Variants in PIEZO2 observed in about 807,000 individuals in gnomAD.
PIEZO2 encodes the protein piezo type mechanosensitive ion channel component 2, also known as piezo-type mechanosensitive ion channel component 2.
A neutral mutation model predicts 337.3 loss-of-function variants in PIEZO2; 172 were observed. The ratio of observed to expected loss-of-function variants is 0.51; its 90% CI spans 0.45 to 0.58. The LOEUF is 0.58. PIEZO2 is among the 20% of genes least tolerant of loss of function. PIEZO2 has a pLI of 0.00. For missense variants in PIEZO2, 3,028 were observed against 3,391.3 expected (o/e 0.89, Z 2.66); for synonymous variants, 1,251 against 1,228.5 (o/e 1.02, Z -0.38).
Position 10,726,604 on chromosome 18 carries a change from G to A in PIEZO2, c.5029+4803C>T. 1 of 1,341,562 alleles carries A rather than the reference G, an allele frequency of 7.5e-7. No individual in the cohort carries two copies. Among genetic ancestry groups the A allele is most frequent in the Non-Finnish European group, 9.8e-7 (1 of 1,018,748 alleles). 83.1% of individuals were successfully genotyped at this position (1,341,562 alleles called of 1,614,324 possible). A position where few individuals can be genotyped will look rare whatever the true frequency, so the allele number is the denominator to read the frequency against. On this transcript the variant is annotated intron_variant, in intron 36 of 55. Coordinates refer to ENST00000674853, the MANE Select transcript of PIEZO2 (RefSeq NM_001378183.1). The surrounding 1 kb of genome is among the most constrained non-coding windows in gnomAD (Gnocchi z 5.9). ...GCTCTTCCAGGACCTGGCGCGCTAC[G>A]TGCGGGACGCCGACGTGCGCTGGGA...
chr18:10,731,478 C>G lies in PIEZO2; in HGVS notation c.4958G>C (p.Arg1653Pro). The change falls in exon 36 of 56, where the codon CGA becomes CCA. Residue 1653 changes from arginine (R) to proline (P), a missense_variant. Around this residue, in one of 5 missense-constraint regions of PIEZO2, gnomAD observed 1,925 missense variants for 2,051.9 expected, o/e 0.94. Coordinates refer to ENST00000674853, the MANE Select transcript of PIEZO2 (RefSeq NM_001378183.1). Reference protein sequence around the residue: ...AWITDPKTALRQRHKEKKRSA... With the variant: ...AWITDPKTALPQRHKEKKRSA... ...CCTTTTTTTCTCTTTGTGTCTTTGTCGGAGTGCTGTTTTAGGATCAGTAAT... is the reference window on the plus strand; with the variant it reads ...CCTTTTTTTCTCTTTGTGTCTTTGTGGGAGTGCTGTTTTAGGATCAGTAAT... 1 of 1,534,326 alleles carries G rather than the reference C, an allele frequency of 6.5e-7. No individual in the cohort carries two copies. The highest frequency in any genetic ancestry group is 8.7e-7 in the Non-Finnish European group (1 of 1,145,572).
chr18:10,688,515 C>T (rs1349537646), intron 49 of PIEZO2, among the ~76,000 whole-genome samples: 1 of 152,074 alleles, frequency 6.6e-6, no homozygotes, highest in Non-Finnish European at 1.5e-5. Flanking sequence ...CATAAGTCCC[C>T]TGTGTGTGAT....
intron 1 of PIEZO2, among the ~76,000 whole-genome samples, chr18:11,085,611 C>T (rs1316542593): frequency 6.6e-6 from 1 of 152,058 alleles, no homozygotes; most frequent in African/African-American, 2.4e-5. Context: ...TGGCAATAAA[C>T]TAAAAGCCAG....
chr18:10,969,613 A>T lies in PIEZO2; in HGVS notation c.286+9922T>A, dbSNP rs1304846464. Among the ~76,000 whole-genome samples the T allele has an allele frequency of 6.6e-6, 1 of 152,156 alleles. No individual in the cohort carries two copies. Among genetic ancestry groups the T allele is most frequent in the Non-Finnish European group, 1.5e-5 (1 of 68,026 alleles). On this transcript the variant is annotated intron_variant, in intron 3 of 55. Transcript: ENST00000674853. The surrounding 1 kb of genome is among the most constrained non-coding windows in gnomAD (Gnocchi z 4.5). ...TTTTTTTGCGAAGGAAATAAATACC[A>T]AGTAACTTAATTGATAAATAGTTTC...
chr18:10,980,873 T>C lies in PIEZO2; in HGVS notation c.161-1213A>G, dbSNP rs566990324. ...TGTGAGTTTACAGATGTCATGAAAGTCCATAATCAAAGTGGTTAACTAAGG... is the reference window on the plus strand; with the variant it reads ...TGTGAGTTTACAGATGTCATGAAAGCCCATAATCAAAGTGGTTAACTAAGG... On this transcript the variant is annotated intron_variant, in intron 2 of 55. Transcript: ENST00000674853. This position sits in a 1 kb window ranked among gnomAD's most constrained non-coding sequence, Gnocchi z 4.8. Among the ~76,000 whole-genome samples, 1 of 152,262 alleles carries C rather than the reference T, an allele frequency of 6.6e-6. No individual in the cohort carries two copies. The highest frequency in any genetic ancestry group is 1.5e-5 in the Non-Finnish European group (1 of 68,008).
chr18:10,853,797 A>G lies in PIEZO2; in HGVS notation c.917+1556T>C. 6.6e-6 allele frequency among the ~76,000 whole-genome samples: 1 copy of G among 152,208 alleles called. No individual in the cohort carries two copies. The highest frequency in any genetic ancestry group is 1.9e-4 in the East Asian group (1 of 5,198). ...AGACATCAAGGCACAGCTTATCTAA[A>G]TAACTCACCATGTATCTCCTAAAAT... On this transcript the variant is annotated intron_variant, in intron 7 of 55. Coordinates refer to ENST00000674853, the MANE Select transcript of PIEZO2 (RefSeq NM_001378183.1). This position sits in a 1 kb window ranked among gnomAD's most constrained non-coding sequence, Gnocchi z 4.2.
In PIEZO2 at chr18:10,943,426, C is replaced by T. The variant is rs1379726579; in HGVS notation, c.287-32198G>A. Among the ~76,000 whole-genome samples, 6 of 152,208 alleles carry T rather than the reference C, an allele frequency of 3.9e-5. No individual in the cohort carries two copies. Among genetic ancestry groups the T allele is most frequent in the African/African-American group, 1.4e-4 (6 of 41,458 alleles). Reference sequence around the variant, plus strand: ...GACCTGGATGTGAGACATCGAGTCACAGGAGACCATTTCGGAGCTTTAAGA... The same window carrying T: ...GACCTGGATGTGAGACATCGAGTCATAGGAGACCATTTCGGAGCTTTAAGA... On this transcript the variant is annotated intron_variant, in intron 3 of 55. Coordinates refer to ENST00000674853, the MANE Select transcript of PIEZO2 (RefSeq NM_001378183.1). The surrounding 1 kb of genome is among the most constrained non-coding windows in gnomAD (Gnocchi z 4.5).
At chr18:11,058,944 C>A (rs1384519985) in intron 2 of PIEZO2, among the ~76,000 whole-genome samples, 2 of 152,112 alleles carry the variant, frequency 1.3e-5, no homozygotes, top group Non-Finnish European at 2.9e-5. Context: ...AACTCCAAGA[C>A]ACATCATTGT....
At chr18:10,879,650 C>T (rs1018899570) in intron 4 of PIEZO2, among the ~76,000 whole-genome samples, 1 of 152,150 alleles carries the variant, frequency 6.6e-6, no homozygotes, top group Non-Finnish European at 1.5e-5. Context: ...CCGCCTCGGC[C>T]TCCCAAAGTG....
intron 2 of PIEZO2, among the ~76,000 whole-genome samples, chr18:11,051,183 C>T (rs1240075216): frequency 6.6e-6 from 1 of 152,192 alleles, no homozygotes; most frequent in Non-Finnish European, 1.5e-5. Flanking sequence ...CCTTCCCTTT[C>T]ATCTGCCACT....
chr18:10,876,076 A>G (rs1379122047), intron 4 of PIEZO2, among the ~76,000 whole-genome samples: 2 of 152,276 alleles, frequency 1.3e-5, no homozygotes, highest in African/African-American at 4.8e-5. Context: ...ATGCACAATA[A>G]ACAGGTCATA....
chr18:10,711,731 G>A (rs574246569), intron 39 of PIEZO2, among the ~76,000 whole-genome samples: 1 of 152,126 alleles, frequency 6.6e-6, no homozygotes, highest in East Asian at 1.9e-4. Context: ...AAGATGCAAA[G>A]GTGCAATATT....
In PIEZO2 at chr18:11,050,911, C is replaced by T. The variant is rs2037501844; in HGVS notation, c.160+15216G>A. Among the ~76,000 whole-genome samples the T allele has an allele frequency of 2.0e-5, 3 of 149,304 alleles. No individual in the cohort carries two copies. In the South Asian group the frequency reaches 6.4e-4, roughly 32 times the overall value. ...TTTACCAGGTTTAAAAAAAAAAAAA[C>T]TCAAATGATATTTCAGAAACCTACC... is the stretch of plus-strand genomic sequence containing the variant. On this transcript the variant is annotated intron_variant, in intron 2 of 55. Coordinates refer to ENST00000674853, the MANE Select transcript of PIEZO2 (RefSeq NM_001378183.1).
rs115193779 is a variant in PIEZO2 at position 11,125,184 on chromosome 18, T to A, written c.64+23341A>T. 3.3e-5 allele frequency among the ~76,000 whole-genome samples: 5 copies of A among 151,860 alleles called. No homozygotes were observed. The highest frequency in any genetic ancestry group is 3.3e-4 in the Admixed American group (5 of 15,236). On this transcript the variant is annotated intron_variant, in intron 1 of 55. Coordinates refer to ENST00000674853, the MANE Select transcript of PIEZO2 (RefSeq NM_001378183.1). The surrounding 1 kb of genome is among the most constrained non-coding windows in gnomAD (Gnocchi z 4.4). ...CACACACACATGCACACATACAAAA[T>A]ACACACACCGTCTATCCTGCCAGGC... is the stretch of plus-strand genomic sequence containing the variant.
At chr18:11,095,244 G>A (rs1269264721) in intron 1 of PIEZO2, among the ~76,000 whole-genome samples, 1 of 152,212 alleles carries the variant, frequency 6.6e-6, no homozygotes, top group Non-Finnish European at 1.5e-5. Context: ...ACTTGGACTT[G>A]AAGTCTAGAC....
Position 10,726,892 on chromosome 18 carries a change from A to T in PIEZO2, c.5029+4515T>A. Reference sequence around the variant, plus strand: ...GCAGCAGCTGAAGCACATCATGGCCACCAACCGGCTGGATGTGGCGGAGCT... The same window carrying T: ...GCAGCAGCTGAAGCACATCATGGCCTCCAACCGGCTGGATGTGGCGGAGCT... On this transcript the variant is annotated intron_variant, in intron 36 of 55. Coordinates refer to ENST00000674853, the MANE Select transcript of PIEZO2 (RefSeq NM_001378183.1). The surrounding 1 kb of genome is among the most constrained non-coding windows in gnomAD (Gnocchi z 5.9). 1 of 1,594,166 alleles carries T rather than the reference A, an allele frequency of 6.3e-7. No homozygotes were observed. The highest frequency in any genetic ancestry group is 8.6e-7 in the Non-Finnish European group (1 of 1,166,572).
chr18:10,921,773 C>A (rs1598692443), intron 3 of PIEZO2, among the ~76,000 whole-genome samples: 1 of 152,118 alleles, frequency 6.6e-6, no homozygotes, highest in East Asian at 1.9e-4. Flanking sequence ...AATTCTTTTT[C>A]TCAGCAAGGA....
chr18:10,882,840 TTC>T (rs2042462219), intron 4 of PIEZO2, among the ~76,000 whole-genome samples: 2 of 112,632 alleles, frequency 1.8e-5, no homozygotes, highest in East Asian at 2.6e-4. Context: ...TTTTCTTTTT[TTC>T]TTTTTTTTTT....
At chr18:10,922,834 T>C (rs1391943061) in intron 3 of PIEZO2, among the ~76,000 whole-genome samples, 1 of 152,152 alleles carries the variant, frequency 6.6e-6, no homozygotes, top group South Asian at 2.1e-4. Context: ...AACTATAACA[T>C]ACAGAACACC....
Sources: gnomAD v4.1 joint callset for allele counts (sites outside exome capture counted in the v4.1 genomes callset) on GRCh38, gnomAD v4.1.1 for gene constraint, gnomAD v4.1.1 regional missense constraint, Gnocchi (gnomAD v3.1) non-coding constraint, MANE v1.5 for transcripts, NCBI Gene and HGNC (gene_info 2026-07-23, HGNC 2026-07-21) for gene names.